Variants in ADCY4 observed in about 807,000 individuals in gnomAD.
ADCY4 encodes adenylate cyclase type 4.
A neutral mutation model predicts 125.5 loss-of-function variants in ADCY4; 111 were observed. The ratio of observed to expected loss-of-function variants is 0.88; its 90% CI spans 0.76 to 1.04. ADCY4 has a LOEUF of 1.04. Among genes scored for constraint, ADCY4 ranks in the 50% least tolerant of loss-of-function variants. The probability of loss-of-function intolerance (pLI) is 0.00; values close to 1 mark genes in which losing one functional copy is unlikely to be tolerated. For missense variants in ADCY4, 1,256 were observed against 1,382.9 expected (o/e 0.91, Z 1.46); for synonymous variants, 576 against 586.9 (o/e 0.98, Z 0.27).
At position 24,326,289 on chromosome 14, in the gene ADCY4, G is replaced by A. The variant is rs17256902; in HGVS notation, c.1568+10C>T. 0.15 allele frequency: 249,626 copies of A among 1,613,698 alleles called. 27,273 individuals carry two copies. Among genetic ancestry groups the A allele is most frequent in the East Asian group, 0.57 (25,639 of 44,830 alleles). On this transcript the variant is annotated intron_variant, in intron 11 of 24. Transcript: ENST00000418030. ...CAGCCCCACTGGCAAAGACTTTGAG[G>A]CCTCCTCACCGATCCAGGCTCCACT...
At chr14:24,333,769 G>A (rs2042088368) in intron 1 of ADCY4, among the ~76,000 whole-genome samples, 1 of 152,194 alleles carries the variant, frequency 6.6e-6, no homozygotes, top group Non-Finnish European at 1.5e-5. Flanking sequence ...TTGAAGGGCG[G>A]CGCGAGGCAG....
In ADCY4 at chr14:24,322,477, G is replaced by T. The variant is rs2041867359; in HGVS notation, c.2427+147C>A. On this transcript the variant is annotated intron_variant, in intron 19 of 24. Coordinates refer to ENST00000418030, the MANE Select transcript of ADCY4 (RefSeq NM_001198568.2). Reference sequence around the variant, plus strand: ...GATAGGGGTGTGGGAGAAAGGAGGGGCAGGGAGTGAAGGAGAAGAAAGGAA... The same window carrying T: ...GATAGGGGTGTGGGAGAAAGGAGGGTCAGGGAGTGAAGGAGAAGAAAGGAA... The T allele has an allele frequency of 6.4e-6, 6 of 930,980 alleles. No individual in the cohort carries two copies. The Admixed American group carries it at 1.1e-4, about 17-fold the overall frequency. 57.7% of individuals were successfully genotyped at this position (930,980 alleles called of 1,614,324 possible). A position where few individuals can be genotyped will look rare whatever the true frequency, so the allele number is the denominator to read the frequency against.
At chr14:24,321,012 G>A (rs2041841773) in intron 20 of ADCY4, among the ~76,000 whole-genome samples, 1 of 152,058 alleles carries the variant, frequency 6.6e-6, no homozygotes, top group South Asian at 2.1e-4. Context: ...GCTGTGGTGG[G>A]GGATGGTTTT....
rs2041803384 is a variant in ADCY4, at chr14:24,318,557, C to T, written c.3093G>A (p.Glu1031=). Residue 1031 remains glutamate (E), a synonymous_variant, in exon 25 of 25, where the codon GAG becomes GAA. Coordinates refer to ENST00000418030, the MANE Select transcript of ADCY4 (RefSeq NM_001198568.2). ...GVLGKIQVTE[E]TAWALQSLGY... ...CCAGGGACTGTAGGGCCCATGCTGT[C>T]TCCTCAGTCACCTACAATTGGAGGG... is the stretch of plus-strand genomic sequence containing the variant. 1 of 1,614,136 alleles carries T rather than the reference C, an allele frequency of 6.2e-7. No individual in the cohort carries two copies. Among genetic ancestry groups the T allele is most frequent in the Non-Finnish European group, 8.5e-7 (1 of 1,180,008 alleles).
chr14:24,321,478 T>C (rs1451396872), intron 20 of ADCY4, among the ~76,000 whole-genome samples: 4 of 151,192 alleles, frequency 2.6e-5, no homozygotes, highest in Admixed American at 2.0e-4. Context: ...GCCTGAGCGA[T>C]GAGAGTGAAA....
In ADCY4 at chr14:24,329,509, G is replaced by T. The variant is rs779005240; in HGVS notation, c.1242C>A (p.Thr414=). 11 of 1,551,924 alleles carry T rather than the reference G, an allele frequency of 7.1e-6. No individual in the cohort carries two copies. In the East Asian group the frequency reaches 2.5e-4, roughly 35 times the overall value. The stretch of plus-strand genomic sequence containing the variant: ...CATAAGCCCCTGCCAGCAGGGCCAG[G>T]GTAGCCCCTGTGATGTGCACTCGCC... The part of the protein sequence containing the change: ...VPGRVHITGA[T]LALLAGAYAV... Residue 414 remains threonine (T), a synonymous_variant, in exon 9 of 25, where the codon ACC becomes ACA. Coordinates refer to ENST00000418030, the MANE Select transcript of ADCY4 (RefSeq NM_001198568.2).
intron 13 of ADCY4, 83 bp from the exon 14 acceptor site, chr14:24,325,557 G>T (rs60014309): frequency 0.053 from 66,987 of 1,270,424 alleles, 3,205 homozygotes; most frequent in African/African-American, 0.24. Context: ...CAAGGGGTGG[G>T]CTCCTCAGCC....
chr14:24,332,679 G>A lies in ADCY4; in HGVS notation c.362C>T (p.Ser121Phe). ...CGTGAAGATGACGAAGAGAAAATAG[G>A]ACACCTGGGGGCGGGGCGCGGGAAG... is the stretch of plus-strand genomic sequence containing the variant. Reference protein sequence around the residue: ...GGVVSAWDQVSYFLFVIFTAY... With the variant: ...GGVVSAWDQVFYFLFVIFTAY... The change falls in exon 3 of 25, where the codon TCC (serine) becomes TTC (phenylalanine). Residue 121 changes from serine (S) to phenylalanine (F), a missense_variant. Ser to Phe is a radical substitution (Grantham distance 155, BLOSUM62 -2). Transcript: ENST00000418030. 2 of 1,587,022 alleles carry A rather than the reference G, an allele frequency of 1.3e-6. No individual in the cohort carries two copies. Among genetic ancestry groups the A allele is most frequent in the Non-Finnish European group, 1.7e-6 (2 of 1,166,768 alleles).
intron 16 of ADCY4, among the ~76,000 whole-genome samples, 191 bp downstream of exon 16, chr14:24,323,871 T>C (rs1213090052): frequency 6.6e-6 from 1 of 152,238 alleles, no homozygotes; most frequent in African/African-American, 2.4e-5. Context: ...TTCACCGAAG[T>C]GTTATCAACA....
chr14:24,330,014 G>A lies in ADCY4; in HGVS notation c.1063C>T (p.Leu355=), dbSNP rs745535451. ...GLDMCRAIRK[L]RAATGVDINM... Reference sequence around the variant, plus strand: ...ATGTCCACGCCAGTGGCTGCCCGCAGTTTCCTGAGCAGTGTGTGTGTGGGA... The same window carrying A: ...ATGTCCACGCCAGTGGCTGCCCGCAATTTCCTGAGCAGTGTGTGTGTGGGA... The change falls in exon 8 of 25, where the codon CTG becomes TTG. Residue 355 remains leucine, a synonymous_variant. Coordinates refer to ENST00000418030, the MANE Select transcript of ADCY4 (RefSeq NM_001198568.2). 48 of 1,613,610 alleles carry A rather than the reference G, an allele frequency of 3.0e-5. 2 individuals are homozygous for A. The South Asian group carries it at 5.3e-4, about 18-fold the overall frequency.
At chr14:24,322,007 T>C in intron 20 of ADCY4, 59 bp downstream of exon 20, 2 of 1,541,614 alleles carry the variant, frequency 1.3e-6, no homozygotes, top group Non-Finnish European at 1.8e-6. Flanking sequence ...GTCAAGGCTT[T>C]CATCTGAAAT....
chr14:24,319,111 G>A lies in ADCY4; in HGVS notation c.2943C>T (p.Phe981=). 6.2e-7 allele frequency: 1 copy of A among 1,614,010 alleles called. No individual in the cohort carries two copies. Among genetic ancestry groups the A allele is most frequent in the Non-Finnish European group, 8.5e-7 (1 of 1,180,022 alleles). The change falls in exon 23 of 25, where the codon TTC becomes TTT. Residue 981 remains phenylalanine (F), a synonymous_variant. Transcript: ENST00000418030. The surrounding 1 kb of genome is among the most constrained non-coding windows in gnomAD (Gnocchi z 4.5). ...DVINKHSFNN[F]RLRVGLNHGP... is the part of the protein sequence containing the mutation. ...GAAGTCTCTCACCCACTCGCAGGCG[G>A]AAGTTGTTGAATGAATGCTTGTTGA... is the stretch of plus-strand genomic sequence containing the variant.
At position 24,331,783 on chromosome 14, in the gene ADCY4, C is replaced by T; in HGVS notation, c.669+5G>A. ...GCTGCTCTGACCTTCCTAGGCCCGG[C>T]TGACCTGGTGCTTCTTCTCGGTGTC... On this transcript the variant is annotated splice_donor_5th_base_variant and intron_variant, in intron 4 of 24. Transcript: ENST00000418030. The T allele has an allele frequency of 1.3e-6, 2 of 1,573,894 alleles. No individual in the cohort carries two copies. Among genetic ancestry groups the T allele is most frequent in the Non-Finnish European group, 8.7e-7 (1 of 1,153,672 alleles).
rs2042106974 is a variant in ADCY4 at position 24,334,728 on chromosome 14, C to T, written c.-76G>A. Reference sequence around the variant, plus strand: ...ACCTCCTTCGGCCCGGCGGGCCCCACCTGAGCTTTTCTCACCCGCTCAAAG... The same window carrying T: ...ACCTCCTTCGGCCCGGCGGGCCCCATCTGAGCTTTTCTCACCCGCTCAAAG... On this transcript the variant is annotated 5_prime_UTR_variant, in exon 1 of 25. The change creates a new upstream start codon in the 5' untranslated region. Transcript: ENST00000418030. 3 of 1,267,804 alleles carry T rather than the reference C, an allele frequency of 2.4e-6. No homozygotes were observed. In the Admixed American group the frequency reaches 8.7e-5, roughly 37 times the overall value. 78.5% of individuals were successfully genotyped at this position (1,267,804 alleles called of 1,614,324 possible). A position where few individuals can be genotyped will look rare whatever the true frequency, so the allele number is the denominator to read the frequency against.
At chr14:24,329,571 C>G in intron 8 of ADCY4, 38 bp from the exon 9 acceptor site, 1 of 1,501,830 alleles carries the variant, frequency 6.7e-7, no homozygotes, top group Non-Finnish European at 8.9e-7. Context: ...GCAGGGAGGG[C>G]CTTCAAATCT....
At chr14:24,323,219 C>A in intron 17 of ADCY4, 125 bp downstream of exon 17, 1 of 1,374,730 alleles carries the variant, frequency 7.3e-7, no homozygotes, top group Non-Finnish European at 1.0e-6. Context: ...CACACTGATA[C>A]ACACTGGGTG....
rs976016977 is a variant in ADCY4, at chr14:24,334,347, G to C, written c.159+147C>G. 8.9e-6 allele frequency: 12 copies of C among 1,349,334 alleles called. No individual in the cohort carries two copies. In the Admixed American group the frequency reaches 1.2e-4, roughly 13 times the overall value. 83.6% of individuals were successfully genotyped at this position (1,349,334 alleles called of 1,614,324 possible). On this transcript the variant is annotated intron_variant, in intron 1 of 24. Coordinates refer to ENST00000418030, the MANE Select transcript of ADCY4 (RefSeq NM_001198568.2). ...CCAGAAGGGTAGAGTGACTTGCCCA[G>C]GGTCACTGCAGTTCCTAGCCAGGCT...
At position 24,334,475 on chromosome 14, in the gene ADCY4, C is replaced by T; in HGVS notation, c.159+19G>A. 6.4e-7 allele frequency: 1 copy of T among 1,572,774 alleles called. No homozygotes were observed. Among genetic ancestry groups the T allele is most frequent in the Non-Finnish European group, 8.6e-7 (1 of 1,165,758 alleles). ...TGCTCCCCAGGTAGAGACCCTCCCG[C>T]AGCAGAGGCTCGGCTCACCCTGCCG... On this transcript the variant is annotated intron_variant, in intron 1 of 24. Transcript: ENST00000418030.
chr14:24,318,359 T>C lies in ADCY4; in HGVS notation c.*57A>G, dbSNP rs1258427575. On this transcript the variant is annotated 3_prime_UTR_variant, in exon 25 of 25. Coordinates refer to ENST00000418030, the MANE Select transcript of ADCY4 (RefSeq NM_001198568.2). ...CTATATCAGCAGCTTCAGACATCAA[T>C]GGGCTCCAGACACCCCAGAGTCTCT... The C allele has an allele frequency of 4.5e-6, 7 of 1,568,592 alleles. No individual in the cohort carries two copies. Among genetic ancestry groups the C allele is most frequent in the African/African-American group, 1.4e-5 (1 of 73,532 alleles).
Sources: gnomAD v4.1 joint callset for allele counts (sites outside exome capture counted in the v4.1 genomes callset) on GRCh38, gnomAD v4.1.1 for gene constraint, Gnocchi (gnomAD v3.1) non-coding constraint, MANE v1.5 for transcripts, NCBI Gene and HGNC (gene_info 2026-07-23, HGNC 2026-07-21) for gene names.